The following OXR1 variants were observed in gnomAD, a reference collection of about 807,000 sequenced individuals.
OXR1 encodes oxidation resistance 1, also known as oxidation resistance protein 1.
A neutral mutation model predicts 104.6 loss-of-function variants in OXR1; 41 were observed. That is an observed-to-expected ratio of 0.39 (90% CI 0.31 to 0.51). The LOEUF (loss-of-function observed/expected upper bound fraction) is 0.51, where lower values mean the gene tolerates loss of function less well. OXR1 is among the 20% of genes least tolerant of loss of function. The pLI is 0.77. For synonymous variants in OXR1, 348 were observed against 348.4 expected, an observed-to-expected ratio of 1.00 and a Z score of 0.01; for missense variants, 955 against 1,031.9, an observed-to-expected ratio of 0.93 and a Z score of 1.02.
rs539608391 is a variant in OXR1, at chr8:106,366,877, GA to G, written c.23+7251del. On this transcript the variant is annotated intron_variant, in intron 2 of 16. Transcript: ENST00000517566. Reference sequence around the variant, plus strand: ...ATTAAGAGAAAATAACTGAGGAAGAGAAAAAAAAAAGAATAGATACATTCTC... The same window carrying G: ...ATTAAGAGAAAATAACTGAGGAAGAGAAAAAAAAAGAATAGATACATTCTC... Among the ~76,000 whole-genome samples the G allele has an allele frequency of 1.1e-3, 165 of 143,792 alleles. 3 individuals are homozygous for G. The highest frequency in any genetic ancestry group is 3.6e-3 in the Middle Eastern group (1 of 278). The allele number at this position is 143,792 out of a possible 152,430, so 94.3% of individuals were successfully genotyped here. A position where few individuals can be genotyped will look rare whatever the true frequency, so the allele number is the denominator to read the frequency against.
chr8:106,746,000 T>A (rs1190942670), intron 16 of OXR1, 138 bp downstream of exon 16: 2 of 556,960 alleles, frequency 3.6e-6, no homozygotes, highest in Non-Finnish European at 6.3e-6. Flanking sequence ...GAGAGTATAA[T>A]GTATTTGCAA....
rs1829256929 is a variant in OXR1, at chr8:106,691,381, C to T, written c.526-1347C>T. On this transcript the variant is annotated intron_variant, in intron 6 of 16. Coordinates refer to ENST00000517566, the MANE Select transcript of OXR1 (RefSeq NM_001198533.2). ...GAATAGTGTACATTTATGTAAGTTACGGTGAGGTCTGGTAATTCCTCTGAA... is the reference window on the plus strand; with the variant it reads ...GAATAGTGTACATTTATGTAAGTTATGGTGAGGTCTGGTAATTCCTCTGAA... Among the ~76,000 whole-genome samples the T allele has an allele frequency of 2.6e-5, 4 of 151,878 alleles. No homozygotes were observed. The South Asian group carries it at 8.3e-4, about 32-fold the overall frequency.
chr8:106,574,562 C>CA (rs1248986188), intron 3 of OXR1, among the ~76,000 whole-genome samples: 1 of 152,212 alleles, frequency 6.6e-6, no homozygotes, highest in Non-Finnish European at 1.5e-5. Flanking sequence ...CACAGTTAAA[C>CA]CCTGTATCTT....
chr8:106,460,624 A>G lies in OXR1; in HGVS notation c.24-58319A>G, dbSNP rs1820855714. On this transcript the variant is annotated intron_variant, in intron 2 of 16. Transcript: ENST00000517566. ...CACTGCTGGTGAAACAATTTGTAGA[A>G]TATTGTCATTTTATAAAAGTAAGTT... is the stretch of plus-strand genomic sequence containing the variant. 2.0e-5 allele frequency among the ~76,000 whole-genome samples: 3 copies of G among 152,316 alleles called. No individual in the cohort carries two copies. In the South Asian group the frequency reaches 6.2e-4, roughly 32 times the overall value.
At chr8:106,356,528 TC>T (rs1815980282) in intron 1 of OXR1, among the ~76,000 whole-genome samples, 1 of 152,146 alleles carries the variant, frequency 6.6e-6, no homozygotes. Context: ...GATTCTAGGA[TC>T]CAGTTTGTTT....
At chr8:106,386,281 T>G (rs1420916700) in intron 2 of OXR1, among the ~76,000 whole-genome samples, 1 of 152,204 alleles carries the variant, frequency 6.6e-6, no homozygotes, top group Non-Finnish European at 1.5e-5. Context: ...TTGGTGCCCA[T>G]CCAGTGCTGG....
intron 7 of OXR1, among the ~76,000 whole-genome samples, chr8:106,696,502 G>A (rs1014161513): frequency 3.9e-5 from 6 of 152,124 alleles, no homozygotes; most frequent in African/African-American, 1.4e-4. Flanking sequence ...ATTACTGGAT[G>A]GTATGGTAAG....
chr8:106,664,034 A>G (rs1304650612), intron 3 of OXR1, among the ~76,000 whole-genome samples: 1 of 152,198 alleles, frequency 6.6e-6, no homozygotes, highest in Non-Finnish European at 1.5e-5. Flanking sequence ...CTAAAGCCGG[A>G]TGGGAGGAAG....
chr8:106,447,700 T>C (rs899622102), intron 2 of OXR1, among the ~76,000 whole-genome samples: 25 of 152,220 alleles, frequency 1.6e-4, no homozygotes, highest in Non-Finnish European at 8.8e-5. Flanking sequence ...GTTTTCCTTG[T>C]AGCATACAAA....
chr8:106,611,706 T>G (rs1820824607), intron 3 of OXR1, among the ~76,000 whole-genome samples: 1 of 152,206 alleles, frequency 6.6e-6, no homozygotes, highest in South Asian at 2.1e-4. Flanking sequence ...CATTCATTCC[T>G]AACTGTTCCA....
At chr8:106,433,757 G>A (rs567650213) in intron 2 of OXR1, among the ~76,000 whole-genome samples, 1 of 152,100 alleles carries the variant, frequency 6.6e-6, no homozygotes, top group African/African-American at 2.4e-5. Context: ...TTTAACTGTG[G>A]CTCATTATCC....
chr8:106,567,995 A>C (rs572653563), intron 3 of OXR1, among the ~76,000 whole-genome samples: 47 of 152,262 alleles, frequency 3.1e-4, no homozygotes, highest in African/African-American at 8.9e-4. Context: ...AGCCTGAAAA[A>C]GTTTCTTAGC....
At chr8:106,568,328 TCA>T (rs1586824032) in intron 3 of OXR1, among the ~76,000 whole-genome samples, 1 of 152,268 alleles carries the variant, frequency 6.6e-6, no homozygotes, top group South Asian at 2.1e-4. Flanking sequence ...TACTGATTCT[TCA>T]CTTATCAAGT....
At chr8:106,596,965 A>G (rs537416250) in intron 3 of OXR1, among the ~76,000 whole-genome samples, 2 of 152,138 alleles carry the variant, frequency 1.3e-5, no homozygotes, top group Non-Finnish European at 2.9e-5. Context: ...AGGCAGGAGT[A>G]TGGCTTGAAC....
chr8:106,284,504 A>G (rs1053810915), intron 1 of OXR1, among the ~76,000 whole-genome samples: 6 of 152,286 alleles, frequency 3.9e-5, no homozygotes, highest in African/African-American at 1.4e-4. Flanking sequence ...AGACATAATG[A>G]TATCTATTTT....
intron 2 of OXR1, among the ~76,000 whole-genome samples, chr8:106,505,406 TC>T (rs1462349378): frequency 9.2e-5 from 14 of 152,314 alleles, no homozygotes; most frequent in African/African-American, 2.6e-4. Flanking sequence ...GAAATCTACT[TC>T]CTTTTGAAGT....
chr8:106,702,023 G>T (rs934216759), intron 7 of OXR1, among the ~76,000 whole-genome samples: 2 of 152,172 alleles, frequency 1.3e-5, no homozygotes, highest in African/African-American at 2.4e-5. Context: ...AGGCTGGAGT[G>T]CAGTGGTGTG....
At position 106,742,311 on chromosome 8, in the gene OXR1, G is replaced by A. The variant is rs770258826; in HGVS notation, c.2406G>A (p.Glu802=). 6 of 1,591,740 alleles carry A rather than the reference G, an allele frequency of 3.8e-6. No individual in the cohort carries two copies. The highest frequency in any genetic ancestry group is 5.2e-6 in the Non-Finnish European group (6 of 1,161,098). Residue 802 remains glutamate (E), a synonymous_variant, in exon 15 of 17, where the codon GAG becomes GAA. Transcript: ENST00000517566. ...CCTTTGTTTTTACATTCTGTCCGGA[G>A]TTTGAGGTAAGAACCACTATTTCAA... ...GETFVFTFCP[E]FEVFKWTGDN...
chr8:106,585,170 T>G (rs1051111681), intron 3 of OXR1, among the ~76,000 whole-genome samples: 1 of 152,118 alleles, frequency 6.6e-6, no homozygotes, highest in Non-Finnish European at 1.5e-5. Flanking sequence ...GAGAATTTTA[T>G]CATCATCTCC....
Sources: allele counts gnomAD v4.1 joint callset (sites outside exome capture counted in the v4.1 genomes callset), GRCh38; gene constraint gnomAD v4.1.1; transcripts MANE v1.5; gene names NCBI Gene and HGNC (gene_info 2026-07-23, HGNC 2026-07-21).